Variants in COMMD1 observed in about 807,000 individuals in gnomAD.
The protein encoded by COMMD1 is copper metabolism domain containing 1.
Under a neutral mutation model 17.2 loss-of-function variants are expected in COMMD1, and 10 were observed. The ratio of observed to expected loss-of-function variants is 0.58; its 90% CI spans 0.36 to 0.99. The LOEUF is 0.99. Ranked by LOEUF, COMMD1 falls within the 50% of genes least tolerant of loss-of-function variation. COMMD1 has a pLI of 0.01. For synonymous variants in COMMD1, 97 were observed against 91.6 expected, an observed-to-expected ratio of 1.06 and a Z score of -0.34; for missense variants, 270 against 231.8, an observed-to-expected ratio of 1.17 and a Z score of -1.07.
At chr2:61,933,999 A>G (rs980674854) in intron 1 of COMMD1, among the ~76,000 whole-genome samples, 10 of 152,148 alleles carry the variant, frequency 6.6e-5, no homozygotes, top group African/African-American at 2.4e-4. Context: ...TCCCAACCTC[A>G]GTTGATCTGC....
At chr2:61,939,506 A>G (rs1426253611) in intron 1 of COMMD1, among the ~76,000 whole-genome samples, 1 of 151,892 alleles carries the variant, frequency 6.6e-6, no homozygotes, top group Non-Finnish European at 1.5e-5. Context: ...TTGGCTATGT[A>G]GGCTCCTTTC....
chr2:62,050,438 G>A (rs1025872686), intron 2 of COMMD1, among the ~76,000 whole-genome samples: 9 of 152,040 alleles, frequency 5.9e-5, no homozygotes, highest in Non-Finnish European at 8.8e-5. Context: ...TATCCTAAGC[G>A]CCAATTAAAA....
intron 1 of COMMD1, among the ~76,000 whole-genome samples, chr2:61,939,523 G>A (rs1377894670): frequency 2.6e-5 from 4 of 151,954 alleles, no homozygotes; most frequent in Non-Finnish European, 4.4e-5. Flanking sequence ...TTTCAAGTTG[G>A]CTTTGCTGGA....
At chr2:62,064,259 C>T (rs553486497) in intron 2 of COMMD1, among the ~76,000 whole-genome samples, 1 of 152,110 alleles carries the variant, frequency 6.6e-6, no homozygotes, top group Admixed American at 6.5e-5. Flanking sequence ...CTGCAACCTC[C>T]ACCTCCTGGG....
At chr2:61,890,781 T>TGC (rs1219425382) in intron 1 of COMMD1, among the ~76,000 whole-genome samples, 1 of 143,582 alleles carries the variant, frequency 7.0e-6, no homozygotes, top group African/African-American at 2.6e-5. Flanking sequence ...GAGCCGAGAT[T>TGC]GCGCCACTGC....
chr2:61,985,200 A>G (rs1454904488), intron 1 of COMMD1, among the ~76,000 whole-genome samples: 1 of 151,684 alleles, frequency 6.6e-6, no homozygotes, highest in East Asian at 1.9e-4. Flanking sequence ...ACAGGCGCCC[A>G]CCACCACGCC....
chr2:62,103,933 C>G (rs1318657462), intron 2 of COMMD1, among the ~76,000 whole-genome samples: 1 of 152,036 alleles, frequency 6.6e-6, no homozygotes, highest in Non-Finnish European at 1.5e-5. Context: ...CTCTGCCTCC[C>G]AGGTTTAAGT....
chr2:61,987,782 A>G (rs942727922), intron 1 of COMMD1, among the ~76,000 whole-genome samples: 29 of 152,244 alleles, frequency 1.9e-4, no homozygotes, highest in African/African-American at 6.7e-4. Flanking sequence ...CCTGAGCCCT[A>G]GTAGTTTTAG....
intron 1 of COMMD1, among the ~76,000 whole-genome samples, chr2:61,941,350 T>A (rs1054457911): frequency 2.0e-5 from 3 of 152,126 alleles, no homozygotes; most frequent in Non-Finnish European, 4.4e-5. Flanking sequence ...TTATTAAGCA[T>A]GTGTAAGACC....
intron 1 of COMMD1, among the ~76,000 whole-genome samples, chr2:61,994,303 G>A (rs1259768498): frequency 1.3e-5 from 2 of 152,132 alleles, no homozygotes; most frequent in Non-Finnish European, 2.9e-5. Context: ...GTATTGATTG[G>A]CATAGCCAGA....
At chr2:61,988,700 G>A (rs1035765445) in intron 1 of COMMD1, among the ~76,000 whole-genome samples, 21 of 152,118 alleles carry the variant, frequency 1.4e-4, no homozygotes, top group Admixed American at 2.6e-4. Context: ...CCCTGAGTCC[G>A]CTGGCTCTGA....
At chr2:62,006,035 G>A (rs995955068) in intron 2 of COMMD1, among the ~76,000 whole-genome samples, 35 of 151,860 alleles carry the variant, frequency 2.3e-4, no homozygotes, top group South Asian at 6.2e-4. Context: ...ATGAGTTCAT[G>A]TCCTTTGTAG....
chr2:61,962,854 T>C lies in COMMD1; in HGVS notation c.181-37847T>C, dbSNP rs531910552. On this transcript the variant is annotated intron_variant, in intron 1 of 2. Coordinates refer to ENST00000311832, the MANE Select transcript of COMMD1 (RefSeq NM_152516.4). ...TTTCACTGGTCTTGATTTATGTCCTTTTTGCTATAATCAAACTATAATTGG... is the reference window on the plus strand; with the variant it reads ...TTTCACTGGTCTTGATTTATGTCCTCTTTGCTATAATCAAACTATAATTGG... 9.9e-4 allele frequency among the ~76,000 whole-genome samples: 150 copies of C among 152,156 alleles called. 3 individuals carry two copies. The highest frequency in any genetic ancestry group is 2.9e-3 in the Admixed American group (44 of 15,272).
chr2:61,970,038 C>A (rs563579994), intron 1 of COMMD1, among the ~76,000 whole-genome samples: 2 of 152,106 alleles, frequency 1.3e-5, no homozygotes, highest in East Asian at 3.9e-4. Flanking sequence ...AGGTGGATCA[C>A]CTGAGGTCAG....
In COMMD1 at chr2:61,980,967, G is replaced by T. The variant is rs574085601; in HGVS notation, c.181-19734G>T. Among the ~76,000 whole-genome samples, 27 of 152,194 alleles carry T rather than the reference G, an allele frequency of 1.8e-4. No individual in the cohort carries two copies. In the South Asian group the frequency reaches 5.4e-3, roughly 30 times the overall value. ...TTATTTCTTTTTTTGAGAAATGTCT[G>T]TTCAGCTTTTTTTGCCCATTTTAAA... On this transcript the variant is annotated intron_variant, in intron 1 of 2. Transcript: ENST00000311832.
intron 1 of COMMD1, among the ~76,000 whole-genome samples, chr2:61,992,114 T>A (rs1320330383): frequency 3.3e-5 from 5 of 152,214 alleles, no homozygotes; most frequent in Non-Finnish European, 7.3e-5. Flanking sequence ...AATCAGATGC[T>A]TGTACCTATA....
chr2:62,132,757 G>C (rs575494621), intron 2 of COMMD1, among the ~76,000 whole-genome samples: 1 of 152,264 alleles, frequency 6.6e-6, no homozygotes, highest in East Asian at 1.9e-4. Context: ...GCTGAGGCAG[G>C]AGGATTGCCT....
intron 1 of COMMD1, among the ~76,000 whole-genome samples, chr2:61,967,796 A>C (rs1490757978): frequency 6.6e-6 from 1 of 152,220 alleles, no homozygotes; most frequent in Non-Finnish European, 1.5e-5. Flanking sequence ...AAGTGTATTC[A>C]GTCCTGAATG....
chr2:62,116,676 CAAAAAAA>C (rs70962759), intron 2 of COMMD1, among the ~76,000 whole-genome samples: 29 of 28,538 alleles, frequency 1.0e-3, no homozygotes, highest in Non-Finnish European at 7.3e-4. Context: ...TGTCTCATTA[CAAAAAAA>C]AAAAAAAAAA....
Sources: gnomAD v4.1 joint callset for allele counts (sites outside exome capture counted in the v4.1 genomes callset) on GRCh38, gnomAD v4.1.1 for gene constraint, MANE v1.5 for transcripts, NCBI Gene and HGNC (gene_info 2026-07-23, HGNC 2026-07-21) for gene names.